The following UVRAG variants were observed in gnomAD, a reference collection of about 807,000 sequenced individuals.
UVRAG encodes UV radiation resistance associated.
A neutral mutation model predicts 78.0 loss-of-function variants in UVRAG; 19 were observed. The observed-to-expected ratio is 0.24, with a 90% confidence interval of 0.17 to 0.36. The LOEUF is 0.36. Ranked by LOEUF, UVRAG falls within the 10% of genes least tolerant of loss-of-function variation. UVRAG has a pLI of 1.00. For missense variants in UVRAG, 740 were observed against 853.8 expected (o/e 0.87, Z 1.66); for synonymous variants, 323 against 324.6 (o/e 1.00, Z 0.05).
intron 14 of UVRAG, among the ~76,000 whole-genome samples, chr11:76,120,885 G>C (rs1952260575): frequency 6.6e-6 from 1 of 152,048 alleles, no homozygotes; most frequent in Admixed American, 6.5e-5. Context: ...TAGGGCAAAG[G>C]GTAAAAAAAC....
intron 13 of UVRAG, among the ~76,000 whole-genome samples, chr11:76,066,813 C>T (rs924829582): frequency 3.9e-5 from 6 of 152,162 alleles, no homozygotes; most frequent in Non-Finnish European, 5.9e-5. Context: ...GTTTTGTTTT[C>T]ATTGGACATC....
intron 3 of UVRAG, among the ~76,000 whole-genome samples, chr11:75,870,667 A>G (rs1946627930): frequency 6.6e-6 from 1 of 152,202 alleles, no homozygotes; most frequent in South Asian, 2.1e-4. Flanking sequence ...TTTAGGACAT[A>G]CATCAGGAAG....
chr11:75,931,317 G>A (rs934318058), intron 6 of UVRAG, among the ~76,000 whole-genome samples: 1 of 151,984 alleles, frequency 6.6e-6, no homozygotes, highest in Non-Finnish European at 1.5e-5. Context: ...TTAGTCTAGT[G>A]TGTTAGTCAT....
intron 12 of UVRAG, among the ~76,000 whole-genome samples, chr11:76,056,002 C>T (rs1950977822): frequency 6.6e-6 from 1 of 152,180 alleles, no homozygotes; most frequent in Admixed American, 6.5e-5. Context: ...AGCCACTGTG[C>T]CCGGCCAGAA....
chr11:76,000,846 C>T (rs796749758), intron 8 of UVRAG, among the ~76,000 whole-genome samples: 15 of 152,042 alleles, frequency 9.9e-5, no homozygotes, highest in African/African-American at 3.6e-4. Context: ...GTGAACATAG[C>T]AATATTATTT....
At chr11:76,044,807 T>A (rs1339358159) in intron 12 of UVRAG, among the ~76,000 whole-genome samples, 1 of 151,990 alleles carries the variant, frequency 6.6e-6, no homozygotes, top group Non-Finnish European at 1.5e-5. Context: ...AAAAAAATTT[T>A]AAAAAGCATA....
At chr11:76,004,629 T>G (rs1425730761) in intron 9 of UVRAG, among the ~76,000 whole-genome samples, 1 of 151,888 alleles carries the variant, frequency 6.6e-6, no homozygotes, top group African/African-American at 2.4e-5. Flanking sequence ...ATTCATTCAT[T>G]CATTCATTCA....
In UVRAG at chr11:75,862,095, TA is replaced by T. The variant is rs1224378610; in HGVS notation, c.270+322del. Among the ~76,000 whole-genome samples, 11 of 151,936 alleles carry T rather than the reference TA, an allele frequency of 7.2e-5. No individual in the cohort carries two copies. The East Asian group carries it at 7.7e-4, about 11-fold the overall frequency. ...AACTTACAGTATAATAATAATAAAA[TA>T]AAAAAAGAAAAAAATATTTACTGAA... is the stretch of plus-strand genomic sequence containing the variant. On this transcript the variant is annotated intron_variant, in intron 3 of 14. Coordinates refer to ENST00000356136, the MANE Select transcript of UVRAG (RefSeq NM_003369.4).
intron 11 of UVRAG, among the ~76,000 whole-genome samples, chr11:76,013,902 A>G (rs566413634): frequency 6.6e-6 from 1 of 152,322 alleles, no homozygotes; most frequent in Non-Finnish European, 1.5e-5. Context: ...AGTGTTTAAC[A>G]CTGAGTCTGT....
intron 7 of UVRAG, chr11:75,980,026 C>G (rs982543868): frequency 2.6e-5 from 4 of 152,436 alleles, no homozygotes; most frequent in Non-Finnish European, 5.9e-5. Flanking sequence ...AACCTCCCTG[C>G]CTCTTTTTTC....
intron 6 of UVRAG, among the ~76,000 whole-genome samples, chr11:75,920,172 C>T (rs1003516512): frequency 2.0e-5 from 3 of 151,044 alleles, no homozygotes; most frequent in South Asian, 2.1e-4. Flanking sequence ...ACTACAGGCA[C>T]GTGCCACCAC....
intron 6 of UVRAG, chr11:75,942,552 G>C (rs1004376053): frequency 8.6e-5 from 13 of 152,030 alleles, no homozygotes; most frequent in Admixed American, 1.3e-4. Context: ...ACTGCTTTCT[G>C]TTAAGATGTA....
intron 1 of UVRAG, among the ~76,000 whole-genome samples, chr11:75,831,659 A>G (rs1320140799): frequency 6.6e-6 from 1 of 152,212 alleles, no homozygotes; most frequent in Non-Finnish European, 1.5e-5. Context: ...AGAAGGTGTA[A>G]AAAGGAATGG....
intron 4 of UVRAG, among the ~76,000 whole-genome samples, chr11:75,880,576 A>T (rs1946916484): frequency 6.6e-6 from 1 of 151,944 alleles, no homozygotes. Context: ...TTTTGAGACG[A>T]AGTTTCACTC....
At chr11:76,077,403 A>G (rs1951423389) in intron 13 of UVRAG, among the ~76,000 whole-genome samples, 1 of 152,072 alleles carries the variant, frequency 6.6e-6, no homozygotes, top group Non-Finnish European at 1.5e-5. Context: ...ATTGACTATG[A>G]TTACTGTACT....
intron 6 of UVRAG, among the ~76,000 whole-genome samples, chr11:75,932,637 G>A (rs1565386100): frequency 6.6e-6 from 1 of 152,100 alleles, no homozygotes; most frequent in Admixed American, 6.5e-5. Flanking sequence ...CCAAAAAACT[G>A]TTAGAACTGA....
At chr11:76,024,745 A>G (rs1032827274) in intron 12 of UVRAG, among the ~76,000 whole-genome samples, 6 of 152,190 alleles carry the variant, frequency 3.9e-5, no homozygotes, top group Admixed American at 3.3e-4. Flanking sequence ...AAATAGAAAT[A>G]TGTTTAGTGA....
At chr11:75,960,258 T>C (rs984941681) in intron 6 of UVRAG, among the ~76,000 whole-genome samples, 1 of 151,396 alleles carries the variant, frequency 6.6e-6, no homozygotes, top group African/African-American at 2.4e-5. Context: ...TAAAGCAAAA[T>C]GCAGTAAAGT....
intron 12 of UVRAG, among the ~76,000 whole-genome samples, chr11:76,064,487 A>G (rs1271972198): frequency 6.6e-6 from 1 of 152,156 alleles, no homozygotes; most frequent in Non-Finnish European, 1.5e-5. Flanking sequence ...CACATGTCCT[A>G]GTTTATTTTT....
Sources: gnomAD v4.1 joint callset for allele counts (sites outside exome capture counted in the v4.1 genomes callset) on GRCh38, gnomAD v4.1.1 for gene constraint, MANE v1.5 for transcripts, NCBI Gene and HGNC (gene_info 2026-07-23, HGNC 2026-07-21) for gene names.